BCAR1: variants seen among roughly 807,000 people sequenced by gnomAD.
BCAR1 encodes BCAR1 scaffold protein, Cas family member.
BCAR1 carries 30 observed loss-of-function variants against 67.6 expected under a neutral mutation model. The observed-to-expected ratio is 0.44, with a 90% CI of 0.33 to 0.60. The LOEUF is 0.60. BCAR1 is among the 20% of genes least tolerant of loss of function. The probability of loss-of-function intolerance (pLI) is 0.02; values close to 1 mark genes in which losing one functional copy is unlikely to be tolerated. For synonymous variants in BCAR1, 626 were observed against 556.7 expected, an observed-to-expected ratio of 1.12 and a Z score of -1.75; for missense variants, 1,313 against 1,222.3, an observed-to-expected ratio of 1.07 and a Z score of -1.11.
intron 1 of BCAR1, chr16:75,264,057 C>G: frequency 1.6e-6 from 2 of 1,238,922 alleles, no homozygotes; most frequent in African/African-American, 3.1e-5. Flanking sequence ...TAGGAGATGA[C>G]TCAGAGCCCG....
At chr16:75,262,275 G>A (rs1353402508) in intron 1 of BCAR1, among the ~76,000 whole-genome samples, 6 of 152,200 alleles carry the variant, frequency 3.9e-5, no homozygotes, top group African/African-American at 1.2e-4. Context: ...CTCAGCAGGC[G>A]GCCAGGGGCA....
At chr16:75,240,621 C>T (rs547848690) in intron 2 of BCAR1, among the ~76,000 whole-genome samples, 52 of 152,356 alleles carry the variant, frequency 3.4e-4, no homozygotes, top group African/African-American at 1.2e-3. Context: ...ATTTCATCTC[C>T]AGACTTTCCC....
chr16:75,238,079 A>G lies in BCAR1; in HGVS notation c.634-735T>C, dbSNP rs1486706916. The G allele has an allele frequency of 2.3e-6, 3 of 1,288,854 alleles. No homozygotes were observed. In the Admixed American group the frequency reaches 6.9e-5, roughly 30 times the overall value. The allele number at this position is 1,288,854 out of a possible 1,614,324, so 79.8% of individuals were successfully genotyped here. ...GTCCAGGGCCAGCCCTCCCCTCCCCAGGTGCTCTTACCATGACCCAGAGCC... is the reference window on the plus strand; with the variant it reads ...GTCCAGGGCCAGCCCTCCCCTCCCCGGGTGCTCTTACCATGACCCAGAGCC... On this transcript the variant is annotated intron_variant, in intron 2 of 6. Coordinates refer to ENST00000162330, the MANE Select transcript of BCAR1 (RefSeq NM_014567.5).
chr16:75,239,969 C>T (rs1199390988), intron 2 of BCAR1, among the ~76,000 whole-genome samples: 1 of 152,228 alleles, frequency 6.6e-6, no homozygotes, highest in South Asian at 2.1e-4. Flanking sequence ...CAGACGCCTT[C>T]CCCCGGGGGT....
chr16:75,264,639 C>A (rs1020240780), intron 1 of BCAR1: 1 of 1,262,264 alleles, frequency 7.9e-7, no homozygotes, highest in African/African-American at 1.5e-5. Context: ...CGAGCAGGAG[C>A]GGGCTCTTTA....
intron 1 of BCAR1, among the ~76,000 whole-genome samples, chr16:75,245,328 C>A (rs980514232): frequency 6.6e-6 from 1 of 152,236 alleles, no homozygotes; most frequent in Non-Finnish European, 1.5e-5. Flanking sequence ...GAGTGAGTCA[C>A]AGGAAAATTC....
chr16:75,263,830 C>T (rs945672185), intron 1 of BCAR1: 42 of 989,014 alleles, frequency 4.2e-5, no homozygotes, highest in Admixed American at 6.1e-5. Flanking sequence ...TGGAAGCCTC[C>T]GCAGGGCCTC....
At chr16:75,256,221 C>G (rs1031812085), upstream of BCAR1, 1 of 152,376 alleles carries the variant, frequency 6.6e-6, no homozygotes, top group Non-Finnish European at 1.5e-5. Flanking sequence ...ATAACCCAGG[C>G]GTGTGCCTAC....
chr16:75,229,725 G>A lies in BCAR1; in HGVS notation c.2399C>T (p.Ser800Leu), dbSNP rs373517882. ...HKLVFIGDTL[S>L]RQAKAADVRS... ...CACGTCAGCAGCCTTGGCCTGCCGT[G>A]ACAGTGTGTCCCCGATGAACACCAG... Residue 800 changes from serine to leucine, a missense_variant, in exon 7 of 7, where the codon TCA (serine) becomes TTA (leucine). Transcript: ENST00000162330. 6.2e-7 allele frequency: 1 copy of A among 1,613,150 alleles called. No individual in the cohort carries two copies. Among genetic ancestry groups the A allele is most frequent in the Non-Finnish European group, 8.5e-7 (1 of 1,179,938 alleles).
intron 1 of BCAR1, among the ~76,000 whole-genome samples, chr16:75,257,483 A>T (rs931660170): frequency 2.0e-5 from 3 of 152,018 alleles, no homozygotes; most frequent in African/African-American, 2.4e-5. Flanking sequence ...TTTAAAGACA[A>T]GGTCTCTGTC....
At chr16:75,240,860 C>T (rs1391618239) in intron 2 of BCAR1, among the ~76,000 whole-genome samples, 3 of 152,238 alleles carry the variant, frequency 2.0e-5, no homozygotes, top group Non-Finnish European at 2.9e-5. Flanking sequence ...GCCCCTGATG[C>T]AATTGAGAGC....
At chr16:75,245,143 C>G (rs1162350065) in intron 1 of BCAR1, among the ~76,000 whole-genome samples, 1 of 152,010 alleles carries the variant, frequency 6.6e-6, no homozygotes, top group Admixed American at 6.5e-5. Context: ...GGGCTCAGGG[C>G]CCCCATCCCA....
At chr16:75,244,927 T>C (rs974526171) in intron 1 of BCAR1, among the ~76,000 whole-genome samples, 1 of 152,210 alleles carries the variant, frequency 6.6e-6, no homozygotes, top group African/African-American at 2.4e-5. Context: ...CAGAGATGTC[T>C]GAGACAATGG....
intron 1 of BCAR1, among the ~76,000 whole-genome samples, chr16:75,244,533 C>A (rs1327993024): frequency 6.6e-6 from 1 of 152,258 alleles, no homozygotes; most frequent in African/African-American, 2.4e-5. Flanking sequence ...TACCAGGCAG[C>A]GGCCTGGGTA....
chr16:75,245,013 A>G (rs533852203), intron 1 of BCAR1, among the ~76,000 whole-genome samples: 23 of 152,338 alleles, frequency 1.5e-4, no homozygotes, highest in African/African-American at 5.5e-4. Flanking sequence ...AAAAGAAAAA[A>G]AAAGAAAACG....
In BCAR1 at chr16:75,235,157, G is replaced by C. The variant is rs150393934; in HGVS notation, c.1742C>G (p.Ala581Gly). The change falls in exon 5 of 7, where the codon GCC becomes GGC. Residue 581 changes from alanine to glycine, a missense_variant. Around this residue, in one of 2 missense-constraint regions of BCAR1, gnomAD observed 1,272 missense variants for 1,137.5 expected, o/e 1.12. Coordinates refer to ENST00000162330, the MANE Select transcript of BCAR1 (RefSeq NM_014567.5). ...ATLEDLDRLV[A>G]CSRAVPEDAK... is the part of the protein sequence containing the mutation. ...GTCCTCGGGCACAGCCCGCGAGCAG[G>C]CCACCAGCCGGTCCAGGTCCTCAAG... 2 of 1,608,350 alleles carry C rather than the reference G, an allele frequency of 1.2e-6. No homozygotes were observed. Among genetic ancestry groups the C allele is most frequent in the African/African-American group, 2.7e-5 (2 of 74,926 alleles).
At chr16:75,232,006 C>T (rs1414370799) in intron 6 of BCAR1, among the ~76,000 whole-genome samples, 1 of 151,946 alleles carries the variant, frequency 6.6e-6, no homozygotes, top group Non-Finnish European at 1.5e-5. Flanking sequence ...CTCAGCCTCC[C>T]AAGTAGCTGG....
intron 4 of BCAR1, 134 bp downstream of exon 4, chr16:75,236,748 G>A: frequency 2.2e-6 from 3 of 1,388,542 alleles, no homozygotes; most frequent in Non-Finnish European, 2.8e-6. Flanking sequence ...CAACCATCCA[G>A]AACCAGGGTC....
In BCAR1 at chr16:75,233,856, T is replaced by G; in HGVS notation, c.2090A>C (p.Glu697Ala). 3.7e-6 allele frequency: 6 copies of G among 1,606,114 alleles called. No homozygotes were observed. Among genetic ancestry groups the G allele is most frequent in the East Asian group, 2.2e-5 (1 of 44,658 alleles). Residue 697 changes from glutamate to alanine, a missense_variant, in exon 6 of 7, where the codon GAG (glutamate) becomes GCG (alanine). Around this residue, in one of 2 missense-constraint regions of BCAR1, gnomAD observed 1,272 missense variants for 1,137.5 expected, o/e 1.12. Coordinates refer to ENST00000162330, the MANE Select transcript of BCAR1 (RefSeq NM_014567.5). ...GCTCCGGGGCCTCACCTGCTGCAAC[T>G]CCAGCTGGCTCTTGCCCTGCCGCGT... ...SITRQGKSQL[E>A]LQQLKQFERL...
Sources: allele counts gnomAD v4.1 joint callset (sites outside exome capture counted in the v4.1 genomes callset), GRCh38; gene constraint gnomAD v4.1.1; regional missense constraint gnomAD v4.1.1; transcripts MANE v1.5; gene names NCBI Gene and HGNC (gene_info 2026-07-23, HGNC 2026-07-21).